Variants in NALCN observed in about 807,000 individuals in gnomAD.
NALCN encodes the protein sodium leak channel, non-selective.
NALCN carries 111 observed loss-of-function variants against 225.3 expected under a neutral mutation model. The observed-to-expected ratio is 0.49, with a 90% CI of 0.42 to 0.58. The LOEUF (loss-of-function observed/expected upper bound fraction) is 0.58, where lower values mean the gene tolerates loss of function less well. Ranked by LOEUF, NALCN falls within the 20% of genes least tolerant of loss-of-function variation. NALCN has a pLI of 0.00. For synonymous variants in NALCN, 764 were observed against 769.0 expected (o/e 0.99, Z 0.11); for missense variants, 1,378 against 2,202.4 (o/e 0.63, Z 7.49).
chr13:101,124,695 G>A lies in NALCN; in HGVS notation c.2119-14C>T. ...AGACTTGCGAAGCTGAAAATGATAA[G>A]AGTATGACTTTTAGTTTTGGAATGT... On this transcript the variant is annotated splice_polypyrimidine_tract_variant and intron_variant, in intron 17 of 43. Transcript: ENST00000251127. 1 of 1,609,858 alleles carries A rather than the reference G, an allele frequency of 6.2e-7. No individual in the cohort carries two copies. The highest frequency in any genetic ancestry group is 8.5e-7 in the Non-Finnish European group (1 of 1,177,440).
chr13:101,381,010 G>T (rs2046835099), intron 3 of NALCN, among the ~76,000 whole-genome samples: 1 of 152,058 alleles, frequency 6.6e-6, no homozygotes, highest in Non-Finnish European at 1.5e-5. Flanking sequence ...GGGAAAGATG[G>T]TAAGATTAAT....
chr13:101,376,692 A>T lies in NALCN; in HGVS notation c.644+8T>A. ...CTAGATTAAAATGCAGTTAATAGAT[A>T]AACTTACCCTGGCTTTGTGTCATTT... On this transcript the variant is annotated splice_region_variant and intron_variant, in intron 6 of 43. Coordinates refer to ENST00000251127, the MANE Select transcript of NALCN (RefSeq NM_052867.4). 1 of 1,587,978 alleles carries T rather than the reference A, an allele frequency of 6.3e-7. No homozygotes were observed. Among genetic ancestry groups the T allele is most frequent in the South Asian group, 1.2e-5 (1 of 86,804 alleles).
chr13:101,272,288 CTGTT>C (rs142177552), intron 10 of NALCN, among the ~76,000 whole-genome samples: 13,638 of 151,810 alleles, frequency 0.09, 1,948 homozygotes, highest in African/African-American at 0.3. Context: ...CTGTGTGTCT[CTGTT>C]TGCGTGCATG....
chr13:101,209,609 C>A (rs1712767229), intron 13 of NALCN, among the ~76,000 whole-genome samples: 1 of 152,052 alleles, frequency 6.6e-6, no homozygotes, highest in South Asian at 2.1e-4. Context: ...ATAAACATTT[C>A]TTTTTATTTA....
chr13:101,328,285 T>TACTA (rs1438523651), intron 7 of NALCN, among the ~76,000 whole-genome samples: 1 of 152,182 alleles, frequency 6.6e-6, no homozygotes, highest in Admixed American at 6.5e-5. Flanking sequence ...ATACAGCATA[T>TACTA]ACTAGCAAAG....
At chr13:101,064,959 A>T (rs573949854) in intron 40 of NALCN, among the ~76,000 whole-genome samples, 1 of 152,328 alleles carries the variant, frequency 6.6e-6, no homozygotes, top group African/African-American at 2.4e-5. Context: ...CAACCATCAC[A>T]GAGCAGGCCA....
intron 15 of NALCN, among the ~76,000 whole-genome samples, chr13:101,158,212 G>A (rs1350162427): frequency 3.3e-5 from 5 of 152,240 alleles, no homozygotes; most frequent in African/African-American, 9.6e-5. Flanking sequence ...TTTGTTGATA[G>A]GGTTAACATA....
intron 3 of NALCN, among the ~76,000 whole-genome samples, chr13:101,382,707 C>T (rs1220780314): frequency 2.0e-5 from 3 of 152,248 alleles, no homozygotes; most frequent in Middle Eastern, 3.4e-3. Context: ...TAATTTCGAA[C>T]GACCTCAGTT....
At chr13:101,306,003 A>G (rs1470645186) in intron 7 of NALCN, among the ~76,000 whole-genome samples, 1 of 152,208 alleles carries the variant, frequency 6.6e-6, no homozygotes, top group African/African-American at 2.4e-5. Flanking sequence ...TGTAAAAGGG[A>G]AGAGTGTGTT....
intron 13 of NALCN, among the ~76,000 whole-genome samples, chr13:101,205,870 A>C (rs951303309): frequency 6.6e-6 from 1 of 152,124 alleles, no homozygotes; most frequent in African/African-American, 2.4e-5. Flanking sequence ...TGTATGCCCC[A>C]TTGTTAAATG....
intron 34 of NALCN, among the ~76,000 whole-genome samples, chr13:101,077,013 C>T (rs2033300485): frequency 6.6e-6 from 1 of 152,122 alleles, no homozygotes; most frequent in Non-Finnish European, 1.5e-5. Context: ...GGTGGTTTCC[C>T]TCATCCTGTT....
chr13:101,122,210 C>T (rs1413321882), intron 18 of NALCN, among the ~76,000 whole-genome samples: 1 of 152,060 alleles, frequency 6.6e-6, no homozygotes, highest in African/African-American at 2.4e-5. Flanking sequence ...TTAATTCATG[C>T]AGAAACTAGC....
chr13:101,110,763 C>A, intron 19 of NALCN, 75 bp from the exon 20 acceptor site: 2 of 1,436,102 alleles, frequency 1.4e-6, no homozygotes, highest in South Asian at 2.3e-5. Flanking sequence ...ATGATAAAAT[C>A]AAAATAAAAC....
Position 101,144,873 on chromosome 13 carries a change from C to T in NALCN, c.1863G>A (p.Ala621=), listed in dbSNP as rs760880894. 23 of 1,609,016 alleles carry T rather than the reference C, an allele frequency of 1.4e-5. No homozygotes were observed. The highest frequency in any genetic ancestry group is 1.2e-4 in the African/African-American group (9 of 74,602). The change falls in exon 16 of 44, where the codon GCG becomes GCA. Residue 621 remains alanine (A), a synonymous_variant. Transcript: ENST00000251127. ...GTAAAGGGAGCTTTTCTTTGGTGTC[C>T]GCATTTGCTTCACTTTGCTTTAACT... ...LKQLKQSEAN[A]DTKEKLPLRL...
At chr13:101,347,741 T>A (rs2045785274) in intron 6 of NALCN, among the ~76,000 whole-genome samples, 1 of 152,100 alleles carries the variant, frequency 6.6e-6, no homozygotes. Context: ...AGCTTCCTCA[T>A]CTGTAAGGTA....
chr13:101,296,441 A>T (rs2043758817), intron 7 of NALCN, among the ~76,000 whole-genome samples: 1 of 152,306 alleles, frequency 6.6e-6, no homozygotes, highest in African/African-American at 2.4e-5. Flanking sequence ...AAACACCTGC[A>T]CACTCATATA....
intron 30 of NALCN, among the ~76,000 whole-genome samples, chr13:101,087,368 G>A (rs533904059): frequency 1.3e-5 from 2 of 151,936 alleles, no homozygotes; most frequent in South Asian, 4.2e-4. Flanking sequence ...TAGTTCACTA[G>A]GTCCTCAGTG....
intron 30 of NALCN, among the ~76,000 whole-genome samples, chr13:101,084,546 C>T (rs532311858): frequency 7.2e-5 from 11 of 152,124 alleles, no homozygotes; most frequent in East Asian, 1.9e-4. Context: ...TGAATCAATA[C>T]GTAAGAATTT....
intron 15 of NALCN, among the ~76,000 whole-genome samples, chr13:101,175,313 A>G (rs2038915623): frequency 6.6e-6 from 1 of 151,838 alleles, no homozygotes; most frequent in Admixed American, 6.6e-5. Context: ...TTTAAAGGTA[A>G]GAGTAATAAA....
Sources: allele counts gnomAD v4.1 joint callset (sites outside exome capture counted in the v4.1 genomes callset), GRCh38; gene constraint gnomAD v4.1.1; transcripts MANE v1.5; gene names NCBI Gene and HGNC (gene_info 2026-07-23, HGNC 2026-07-21).